Variants in EPSTI1 observed in about 807,000 individuals in gnomAD.
The protein encoded by EPSTI1 is epithelial stromal interaction 1.
A neutral mutation model predicts 49.9 loss-of-function variants in EPSTI1; 66 were observed. That is an observed-to-expected ratio of 1.32 (90% CI 1.08 to 1.62). The LOEUF is 1.62. EPSTI1 is among the 40% of genes most tolerant of loss of function. The probability of loss-of-function intolerance (pLI) is 0.00; values close to 1 mark genes in which losing one functional copy is unlikely to be tolerated. For synonymous variants in EPSTI1, 137 were observed against 130.7 expected, an observed-to-expected ratio of 1.05 and a Z score of -0.33; for missense variants, 394 against 365.5, an observed-to-expected ratio of 1.08 and a Z score of -0.64.
intron 1 of EPSTI1, among the ~76,000 whole-genome samples, chr13:42,981,330 A>T (rs1249321328): frequency 1.3e-5 from 2 of 152,226 alleles, no homozygotes; most frequent in Admixed American, 1.3e-4. Context: ...CTTTGAAGTA[A>T]GTAACCTTAC....
At chr13:42,975,143 C>G (rs980767411) in intron 1 of EPSTI1, among the ~76,000 whole-genome samples, 4 of 152,146 alleles carry the variant, frequency 2.6e-5, no homozygotes, top group Admixed American at 1.3e-4. Flanking sequence ...GTTACATGAC[C>G]TTCAATGTAA....
At chr13:42,938,270 T>A (rs113714054) in intron 6 of EPSTI1, among the ~76,000 whole-genome samples, 2 of 152,058 alleles carry the variant, frequency 1.3e-5, no homozygotes, top group African/African-American at 4.8e-5. Context: ...CATGGGTGAT[T>A]AGGTGCATTG....
At chr13:42,971,440 G>A (rs1042970584) in intron 1 of EPSTI1, among the ~76,000 whole-genome samples, 4 of 152,328 alleles carry the variant, frequency 2.6e-5, no homozygotes, top group Middle Eastern at 3.4e-3. Flanking sequence ...CAGCCTGTGA[G>A]TCTGTGTGGG....
chr13:42,908,913 TCTCGACTAAAAATACAAA>T (rs1250497292), intron 8 of EPSTI1, among the ~76,000 whole-genome samples: 1 of 142,320 alleles, frequency 7.0e-6, no homozygotes, highest in East Asian at 2.1e-4. Context: ...TGAAACCCTG[TCTCGACTAAAAATACAAA>T]AAAAAAAAAA....
chr13:42,904,593 T>C (rs1282760061), intron 8 of EPSTI1, among the ~76,000 whole-genome samples: 1 of 152,186 alleles, frequency 6.6e-6, no homozygotes, highest in Non-Finnish European at 1.5e-5. Flanking sequence ...TTATTGAAAC[T>C]GTAAAAGTTC....
intron 6 of EPSTI1, among the ~76,000 whole-genome samples, chr13:42,952,211 C>T (rs543537194): frequency 6.6e-5 from 10 of 152,302 alleles, no homozygotes; most frequent in African/African-American, 9.6e-5. Flanking sequence ...CAGCCAGCAG[C>T]GGCAACCTGT....
intron 6 of EPSTI1, among the ~76,000 whole-genome samples, chr13:42,926,814 G>A (rs192669888): frequency 2.6e-5 from 4 of 152,058 alleles, no homozygotes; most frequent in East Asian, 1.9e-4. Flanking sequence ...GAACATTCAC[G>A]CCCTACAACA....
At chr13:42,963,962 G>T in intron 4 of EPSTI1, 104 bp downstream of exon 4, 1 of 998,844 alleles carries the variant, frequency 1.0e-6, no homozygotes, top group Non-Finnish European at 1.4e-6. Context: ...CTGGTTGGAA[G>T]GTTTTATACT....
intron 8 of EPSTI1, among the ~76,000 whole-genome samples, chr13:42,906,805 A>T (rs756024049): frequency 6.6e-6 from 1 of 151,946 alleles, no homozygotes; most frequent in Non-Finnish European, 1.5e-5. Context: ...TTTAAAAATA[A>T]CACAAGTAAT....
intron 6 of EPSTI1, among the ~76,000 whole-genome samples, chr13:42,930,062 TA>T (rs1157281196): frequency 6.6e-6 from 1 of 152,200 alleles, no homozygotes; most frequent in Admixed American, 6.5e-5. Flanking sequence ...CTGGTGATGT[TA>T]AGAACTACTA....
intron 6 of EPSTI1, chr13:42,934,559 G>A (rs558675868): frequency 8.5e-5 from 13 of 153,132 alleles, no homozygotes; most frequent in African/African-American, 3.1e-4. Flanking sequence ...CCAGTTTATA[G>A]ACTTGATTTT....
At chr13:42,942,200 G>A (rs559433241) in intron 6 of EPSTI1, among the ~76,000 whole-genome samples, 12 of 151,928 alleles carry the variant, frequency 7.9e-5, no homozygotes, top group African/African-American at 2.2e-4. Flanking sequence ...TTTTCAACTC[G>A]ATTTATAGAT....
intron 1 of EPSTI1, chr13:42,991,130 T>G (rs1424777803): frequency 6.6e-6 from 1 of 152,392 alleles, no homozygotes; most frequent in Non-Finnish European, 1.5e-5. Context: ...CTCCTCTGGT[T>G]GTAAGAGGCT....
chr13:42,902,501 G>A (rs560743155), intron 8 of EPSTI1, among the ~76,000 whole-genome samples: 84 of 152,214 alleles, frequency 5.5e-4, no homozygotes, highest in South Asian at 5.2e-3. Flanking sequence ...CTACTAGTCT[G>A]TTCTTTTGCT....
intron 5 of EPSTI1, among the ~76,000 whole-genome samples, chr13:42,960,924 T>C (rs1048998909): frequency 6.6e-6 from 1 of 152,192 alleles, no homozygotes; most frequent in Non-Finnish European, 1.5e-5. Context: ...TATTTTAAGG[T>C]CAGTTGATTA....
chr13:42,892,771 T>C (rs1341060560), intron 10 of EPSTI1, among the ~76,000 whole-genome samples: 1 of 152,178 alleles, frequency 6.6e-6, no homozygotes, highest in Admixed American at 6.5e-5. Context: ...AAAGAATGTA[T>C]TAAGTGAACA....
At chr13:42,937,401 A>T (rs1428033459) in intron 6 of EPSTI1, among the ~76,000 whole-genome samples, 1 of 152,208 alleles carries the variant, frequency 6.6e-6, no homozygotes, top group Admixed American at 6.5e-5. Context: ...CTTTCATGAA[A>T]GATTTGTGTG....
intron 6 of EPSTI1, among the ~76,000 whole-genome samples, chr13:42,945,381 G>A (rs1037552560): frequency 1.3e-5 from 2 of 152,186 alleles, no homozygotes; most frequent in African/African-American, 4.8e-5. Flanking sequence ...AATTATGGGA[G>A]CTACAATTCA....
chr13:42,899,548 A>G (rs1237980038), intron 9 of EPSTI1, among the ~76,000 whole-genome samples: 28 of 152,166 alleles, frequency 1.8e-4, no homozygotes, highest in Admixed American at 1.8e-3. Context: ...ATAACTTAAA[A>G]ATACAGTTTA....
Sources: gnomAD v4.1 joint callset for allele counts (sites outside exome capture counted in the v4.1 genomes callset) on GRCh38, gnomAD v4.1.1 for gene constraint, MANE v1.5 for transcripts, NCBI Gene and HGNC (gene_info 2026-07-23, HGNC 2026-07-21) for gene names.